The following GRID2 variants were observed in gnomAD, a reference collection of about 807,000 sequenced individuals.
The protein encoded by GRID2 is glutamate ionotropic receptor delta type subunit 2.
GRID2 carries 33 observed loss-of-function variants against 114.8 expected under a neutral mutation model. The observed-to-expected ratio is 0.29, with a 90% CI of 0.22 to 0.38. The LOEUF (loss-of-function observed/expected upper bound fraction) is 0.38, where lower values mean the gene tolerates loss of function less well. Ranked by LOEUF, GRID2 falls within the 10% of genes least tolerant of loss-of-function variation. GRID2 has a pLI of 1.00. For missense variants in GRID2, 1,184 were observed against 1,257.7 expected (o/e 0.94, Z 0.89); for synonymous variants, 505 against 449.9 (o/e 1.12, Z -1.55).
At chr4:93,049,662 C>T (rs1349325925) in intron 2 of GRID2, among the ~76,000 whole-genome samples, 1 of 151,620 alleles carries the variant, frequency 6.6e-6, no homozygotes, top group South Asian at 2.1e-4. Flanking sequence ...CAAGGGAACC[C>T]AGGGAAATGA....
chr4:93,009,938 C>A (rs1000654922), intron 2 of GRID2, among the ~76,000 whole-genome samples: 1 of 151,946 alleles, frequency 6.6e-6, no homozygotes, highest in East Asian at 1.9e-4. Flanking sequence ...CCCTAGGGCT[C>A]CCTGCTCATT....
intron 2 of GRID2, among the ~76,000 whole-genome samples, chr4:92,682,454 C>A (rs1256615676): frequency 2.0e-5 from 3 of 152,106 alleles, no homozygotes; most frequent in Admixed American, 6.6e-5. Context: ...CGATTTTGAT[C>A]TACAGTAAGC....
Position 93,724,486 on chromosome 4 carries a change from G to A in GRID2, c.2361-44724G>A, listed in dbSNP as rs180987143. Among the ~76,000 whole-genome samples the A allele has an allele frequency of 2.2e-4, 34 of 152,178 alleles. No individual in the cohort carries two copies. The East Asian group carries it at 6.4e-3, about 28-fold the overall frequency. ...ATTTTATTAATTTTTTAAAAAATATGCAGCTAACTCGTGGAATATACTATT... is the reference window on the plus strand; with the variant it reads ...ATTTTATTAATTTTTTAAAAAATATACAGCTAACTCGTGGAATATACTATT... On this transcript the variant is annotated intron_variant, in intron 14 of 15. Coordinates refer to ENST00000282020, the MANE Select transcript of GRID2 (RefSeq NM_001510.4).
intron 14 of GRID2, among the ~76,000 whole-genome samples, chr4:93,696,642 G>A (rs1007039180): frequency 1.3e-5 from 2 of 152,108 alleles, no homozygotes; most frequent in Non-Finnish European, 2.9e-5. Context: ...AAGCATTAGC[G>A]AAAACTCTCA....
intron 2 of GRID2, among the ~76,000 whole-genome samples, chr4:92,592,880 TAACA>T (rs1216261894): frequency 2.0e-5 from 3 of 151,996 alleles, no homozygotes; most frequent in South Asian, 2.1e-4. Context: ...TATTGAAAGA[TAACA>T]AACAACCCAT....
At chr4:93,075,883 C>CTCTTTTTTTT (rs1490779668) in intron 2 of GRID2, among the ~76,000 whole-genome samples, 26 of 76,612 alleles carry the variant, frequency 3.4e-4, no homozygotes, top group South Asian at 1.3e-3. Context: ...AGTTACCTCT[C>CTCTTTTTTTT]TTTTTTTTTT....
At chr4:92,850,387 G>T (rs1047888430) in intron 2 of GRID2, among the ~76,000 whole-genome samples, 1 of 151,668 alleles carries the variant, frequency 6.6e-6, no homozygotes, top group Admixed American at 6.6e-5. Flanking sequence ...GTAAACAAAT[G>T]TTACATATTT....
intron 2 of GRID2, among the ~76,000 whole-genome samples, chr4:92,761,671 T>C (rs1203864592): frequency 6.6e-6 from 1 of 152,110 alleles, no homozygotes; most frequent in Non-Finnish European, 1.5e-5. Flanking sequence ...TGATGACAAC[T>C]GCAGGGCTCA....
At chr4:92,492,636 T>C (rs921689596) in intron 1 of GRID2, among the ~76,000 whole-genome samples, 6 of 152,152 alleles carry the variant, frequency 3.9e-5, no homozygotes, top group Non-Finnish European at 5.9e-5. Context: ...AGATATTCCA[T>C]GTTTCTCAGA....
At chr4:93,741,288 A>G (rs1378195087) in intron 14 of GRID2, among the ~76,000 whole-genome samples, 1 of 149,012 alleles carries the variant, frequency 6.7e-6, no homozygotes, top group Non-Finnish European at 1.5e-5. Flanking sequence ...TATTTTTTAA[A>G]TGCTCCTCAT....
At chr4:93,630,798 T>C (rs1406020797) in intron 14 of GRID2, among the ~76,000 whole-genome samples, 4 of 148,258 alleles carry the variant, frequency 2.7e-5, no homozygotes, top group African/African-American at 7.3e-5. Context: ...ACAACTTGCT[T>C]AGAATCACAA....
chr4:92,408,911 A>T (rs1731162067), intron 1 of GRID2, among the ~76,000 whole-genome samples: 1 of 152,118 alleles, frequency 6.6e-6, no homozygotes, highest in African/African-American at 2.4e-5. Flanking sequence ...CATATCATTG[A>T]AAAAGACAGA....
chr4:92,580,764 C>A (rs907902222), intron 1 of GRID2, among the ~76,000 whole-genome samples: 4 of 151,742 alleles, frequency 2.6e-5, no homozygotes, highest in Admixed American at 1.3e-4. Context: ...GAAGGTAATA[C>A]TAAAAAGGTA....
intron 2 of GRID2, among the ~76,000 whole-genome samples, chr4:92,606,268 TTTG>T (rs1474714603): frequency 2.8e-4 from 42 of 152,142 alleles, no homozygotes; most frequent in African/African-American, 9.1e-4. Context: ...TTGAAAATAC[TTTG>T]TTTTCTCCTG....
Position 93,784,645 on chromosome 4 carries a change from T to C in GRID2, c.221+15195T>C, listed in dbSNP as rs866692423. Among the ~76,000 whole-genome samples the C allele has an allele frequency of 6.3e-3, 930 of 147,736 alleles. 12 individuals carry two copies. The highest frequency in any genetic ancestry group is 0.022 in the African/African-American group (881 of 40,088). On this transcript the variant is annotated intron_variant, in intron 1 of 1. Coordinates refer to the GRID2 transcript ENST00000637838. ...TTTTATATTTTCAGAGTCCTTTTTA[T>C]ACACACACACACACACACACACACA... is the stretch of plus-strand genomic sequence containing the variant.
chr4:93,244,090 A>G (rs1433656), intron 8 of GRID2, among the ~76,000 whole-genome samples: 108,112 of 151,886 alleles, frequency 0.71, 39,298 homozygotes, highest in African/African-American at 0.85. Context: ...AGAGTTTTAC[A>G]TAATGTTGTT....
chr4:93,481,991 A>T (rs927288699), intron 11 of GRID2, among the ~76,000 whole-genome samples: 1 of 152,064 alleles, frequency 6.6e-6, no homozygotes, highest in Non-Finnish European at 1.5e-5. Flanking sequence ...ATATTCACTA[A>T]TGCAACTTAA....
chr4:92,798,940 T>C (rs1228698531), intron 2 of GRID2, among the ~76,000 whole-genome samples: 2 of 152,024 alleles, frequency 1.3e-5, no homozygotes, highest in African/African-American at 4.8e-5. Flanking sequence ...AAGGCTACTA[T>C]AACAAATGCA....
chr4:92,554,121 C>T (rs1410553941), intron 1 of GRID2, among the ~76,000 whole-genome samples: 2 of 152,082 alleles, frequency 1.3e-5, no homozygotes, highest in Non-Finnish European at 2.9e-5. Flanking sequence ...AAGCAAGGTA[C>T]TGATAATACA....
Sources: allele counts gnomAD v4.1 joint callset (sites outside exome capture counted in the v4.1 genomes callset), GRCh38; gene constraint gnomAD v4.1.1; transcripts MANE v1.5; gene names NCBI Gene and HGNC (gene_info 2026-07-23, HGNC 2026-07-21).